The following DROSHA variants were observed in gnomAD, a reference collection of about 807,000 sequenced individuals.
DROSHA encodes drosha ribonuclease III.
DROSHA carries 56 observed loss-of-function variants against 181.9 expected under a neutral mutation model. The observed-to-expected ratio is 0.31, with a 90% CI of 0.25 to 0.38. The LOEUF (loss-of-function observed/expected upper bound fraction) is 0.38, where lower values mean the gene tolerates loss of function less well. Ranked by LOEUF, DROSHA falls within the 10% of genes least tolerant of loss-of-function variation. The pLI, the probability that DROSHA is intolerant of heterozygous loss-of-function variation, is 1.00. For synonymous variants in DROSHA, 524 were observed against 591.2 expected, an observed-to-expected ratio of 0.89 and a Z score of 1.65; for missense variants, 1,218 against 1,743.5, an observed-to-expected ratio of 0.70 and a Z score of 5.37.
chr5:31,406,794 A>G, intron 34 of DROSHA, 59 bp downstream of exon 34: 1 of 1,483,530 alleles, frequency 6.7e-7, no homozygotes. Flanking sequence ...GATAGCAGCT[A>G]GGGAATTAGA....
chr5:31,450,494 C>T (rs1345995769), intron 21 of DROSHA, among the ~76,000 whole-genome samples: 1 of 152,158 alleles, frequency 6.6e-6, no homozygotes, highest in African/African-American at 2.4e-5. Flanking sequence ...GAATACTACC[C>T]AGCAATAAAA....
chr5:31,513,346 A>C (rs909843277), intron 8 of DROSHA, among the ~76,000 whole-genome samples: 7 of 152,188 alleles, frequency 4.6e-5, no homozygotes, highest in African/African-American at 1.7e-4. Flanking sequence ...CCCTCCAGGT[A>C]CCTTATTATG....
rs1237674325 is a variant in DROSHA, at chr5:31,508,827, T to TG, written c.1433-53_1433-52insC. ...GAAATTGATGGAATTAACAAACTGGTTTTTTTTTTTCCCTGAGTTGGAGTC... is the reference window on the plus strand; with the variant it reads ...GAAATTGATGGAATTAACAAACTGGTGTTTTTTTTTTCCCTGAGTTGGAGTC... On this transcript the variant is annotated intron_variant, in intron 9 of 35. Transcript: ENST00000344624. 9 of 1,362,208 alleles carry TG rather than the reference T, an allele frequency of 6.6e-6. No individual in the cohort carries two copies. The East Asian group carries it at 1.9e-4, about 29-fold the overall frequency. 84.4% of individuals were successfully genotyped at this position (1,362,208 alleles called of 1,614,324 possible).
chr5:31,511,980 A>G (rs1738744802), intron 8 of DROSHA, among the ~76,000 whole-genome samples: 1 of 151,626 alleles, frequency 6.6e-6, no homozygotes, highest in Non-Finnish European at 1.5e-5. Flanking sequence ...GGACATAAAC[A>G]TGCACACACT....
intron 11 of DROSHA, among the ~76,000 whole-genome samples, chr5:31,503,674 C>T (rs1329932501): frequency 6.6e-6 from 1 of 152,222 alleles, no homozygotes; most frequent in Non-Finnish European, 1.5e-5. Context: ...ATAGTTCCCA[C>T]CTCTGCTCTT....
chr5:31,418,499 G>A (rs1224574141), intron 30 of DROSHA, among the ~76,000 whole-genome samples: 1 of 152,104 alleles, frequency 6.6e-6, no homozygotes, highest in Non-Finnish European at 1.5e-5. Flanking sequence ...AAACTCCTGG[G>A]CTCAAGCAAT....
intron 10 of DROSHA, among the ~76,000 whole-genome samples, chr5:31,507,854 A>G (rs1416567844): frequency 6.6e-6 from 1 of 152,226 alleles, no homozygotes; most frequent in East Asian, 1.9e-4. Flanking sequence ...ATTTCTGCTC[A>G]ATTCCAAAGA....
In DROSHA at chr5:31,526,247, T is replaced by C; in HGVS notation, c.686A>G (p.Asp229Gly). The change falls in exon 5 of 36, where the codon GAT (aspartate) becomes GGT (glycine). Residue 229 changes from aspartate to glycine, a missense_variant. Coordinates refer to ENST00000344624, the MANE Select transcript of DROSHA (RefSeq NM_001382508.1). ...ACTGTGATCTCGGTGCCTGTGGTCA[T>C]CATAGTGTTTCAGCCTTTCTGGGGA... ...RRSPERLKHY[D>G]DHRHRDHSHG... 6.2e-7 allele frequency: 1 copy of C among 1,613,872 alleles called. No homozygotes were observed. The highest frequency in any genetic ancestry group is 8.5e-7 in the Non-Finnish European group (1 of 1,179,854).
At chr5:31,453,988 T>C (rs956286870) in intron 20 of DROSHA, among the ~76,000 whole-genome samples, 1 of 144,372 alleles carries the variant, frequency 6.9e-6, no homozygotes, top group African/African-American at 2.5e-5. Context: ...ACTAGCAAAA[T>C]GAAAGACCAA....
chr5:31,496,298 C>T (rs1165919687), intron 11 of DROSHA, among the ~76,000 whole-genome samples: 3 of 152,126 alleles, frequency 2.0e-5, no homozygotes, highest in Admixed American at 6.5e-5. Flanking sequence ...TGTGGTGGTG[C>T]ATGCCTGTGG....
Position 31,433,252 on chromosome 5 carries a change from A to G in DROSHA, c.3043-1574T>C, listed in dbSNP as rs139589671. Among the ~76,000 whole-genome samples the G allele has an allele frequency of 2.4e-3, 371 of 152,348 alleles. 3 individuals carry two copies. The highest frequency in any genetic ancestry group is 8.4e-3 in the African/African-American group (351 of 41,588). ...TGTTTGAAATTTGTGATTATAAAAT[A>G]TACTCAAATGAGTTTTGACTACCGC... On this transcript the variant is annotated intron_variant, in intron 25 of 35. Transcript: ENST00000344624.
At position 31,411,918 on chromosome 5, in the gene DROSHA, C is replaced by T. The variant is rs139180290; in HGVS notation, c.3526-1031G>A. Among the ~76,000 whole-genome samples, 243 of 152,310 alleles carry T rather than the reference C, an allele frequency of 1.6e-3. No homozygotes were observed. Among genetic ancestry groups the T allele is most frequent in the African/African-American group, 5.4e-3 (225 of 41,560 alleles). On this transcript the variant is annotated intron_variant, in intron 30 of 35. Transcript: ENST00000344624. The surrounding 1 kb of genome is among the most constrained non-coding windows in gnomAD (Gnocchi z 4.2). ...TTGGGATTACAGGCGTGAGCCACTG[C>T]GCCCAGCCCATACTGGTATCCTTTG...
At chr5:31,489,495 G>A (rs1752141804) in intron 13 of DROSHA, among the ~76,000 whole-genome samples, 1 of 152,064 alleles carries the variant, frequency 6.6e-6, no homozygotes, top group Admixed American at 6.5e-5. Context: ...CTCTCTCTAA[G>A]TGTCAAGAAG....
intron 18 of DROSHA, among the ~76,000 whole-genome samples, chr5:31,466,662 A>C (rs1290704328): frequency 6.6e-6 from 1 of 152,200 alleles, no homozygotes; most frequent in Non-Finnish European, 1.5e-5. Context: ...ATTTGTTGAA[A>C]GAAAGACCCC....
intron 17 of DROSHA, among the ~76,000 whole-genome samples, chr5:31,468,507 T>G (rs1322651260): frequency 6.6e-6 from 1 of 152,244 alleles, no homozygotes. Flanking sequence ...TGTATTCCTT[T>G]AATTCTACAT....
intron 27 of DROSHA, 142 bp from the exon 28 acceptor site, chr5:31,424,613 C>T (rs1237248875): frequency 9.4e-7 from 1 of 1,068,592 alleles, no homozygotes; most frequent in African/African-American, 1.6e-5. Flanking sequence ...TGCTGGCAAA[C>T]TAATTTTTTT....
At chr5:31,407,027 A>G in intron 33 of DROSHA, 82 bp from the exon 34 acceptor site, 2 of 1,181,854 alleles carry the variant, frequency 1.7e-6, no homozygotes, top group Admixed American at 2.2e-5. Context: ...AAAACCATGT[A>G]CTTAGTGCCT....
At position 31,517,221 on chromosome 5, in the gene DROSHA, A is replaced by C. The variant is rs370359604; in HGVS notation, c.948-1657T>G. On this transcript the variant is annotated intron_variant, in intron 6 of 35. Coordinates refer to ENST00000344624, the MANE Select transcript of DROSHA (RefSeq NM_001382508.1). The stretch of plus-strand genomic sequence containing the variant: ...ATTAGAGTCTTTAATTGGTTGAAAC[A>C]GTTTTCATTAAGATAACTGTCCTCC... Among the ~76,000 whole-genome samples the C allele has an allele frequency of 1.6e-4, 25 of 152,326 alleles. 1 individual carries two copies. The South Asian group carries it at 5.0e-3, about 30-fold the overall frequency.
intron 30 of DROSHA, among the ~76,000 whole-genome samples, chr5:31,419,260 T>A (rs1337690834): frequency 6.6e-6 from 1 of 152,208 alleles, no homozygotes; most frequent in Non-Finnish European, 1.5e-5. Context: ...TGTCTTTGTC[T>A]TGCCCGCAGA....
Sources: gnomAD v4.1 joint callset for allele counts (sites outside exome capture counted in the v4.1 genomes callset) on GRCh38, gnomAD v4.1.1 for gene constraint, Gnocchi (gnomAD v3.1) non-coding constraint, MANE v1.5 for transcripts, NCBI Gene and HGNC (gene_info 2026-07-23, HGNC 2026-07-21) for gene names.